The following NELL1 variants were observed in gnomAD, a reference collection of about 807,000 sequenced individuals.
The protein encoded by NELL1 is protein kinase C-binding protein NELL1.
Under a neutral mutation model 107.4 loss-of-function variants are expected in NELL1, and 76 were observed. That is an observed-to-expected ratio of 0.71 (90% CI 0.59 to 0.86). NELL1 has a LOEUF of 0.86. NELL1 is among the 40% of genes least tolerant of loss of function. NELL1 has a pLI of 0.00. For synonymous variants in NELL1, 353 were observed against 341.2 expected, an observed-to-expected ratio of 1.03 and a Z score of -0.38; for missense variants, 1,024 against 1,005.5, an observed-to-expected ratio of 1.02 and a Z score of -0.25.
At chr11:21,323,591 C>T (rs1416390446) in intron 14 of NELL1, among the ~76,000 whole-genome samples, 8 of 152,198 alleles carry the variant, frequency 5.3e-5, no homozygotes, top group Admixed American at 2.0e-4. Context: ...CATTTTACCT[C>T]TGACATGTCT....
At chr11:21,133,472 C>T (rs1210899762) in intron 13 of NELL1, among the ~76,000 whole-genome samples, 3 of 152,130 alleles carry the variant, frequency 2.0e-5, no homozygotes, top group Non-Finnish European at 2.9e-5. Flanking sequence ...CCCTGGCACC[C>T]AGGCTGTTCC....
intron 2 of NELL1, among the ~76,000 whole-genome samples, chr11:20,782,257 T>A (rs1299306844): frequency 6.6e-6 from 1 of 152,170 alleles, no homozygotes; most frequent in East Asian, 1.9e-4. Context: ...CACTTAAGAA[T>A]TAAGTAGCGA....
At chr11:21,169,779 T>A in intron 13 of NELL1, 1 of 1,291,600 alleles carries the variant, frequency 7.7e-7, no homozygotes, top group Non-Finnish European at 1.1e-6. Flanking sequence ...GTGGAGTCCC[T>A]CCTGCCGGGC....
intron 15 of NELL1, among the ~76,000 whole-genome samples, chr11:21,429,938 A>G (rs1337642843): frequency 1.3e-5 from 2 of 152,318 alleles, no homozygotes; most frequent in East Asian, 3.9e-4. Flanking sequence ...AAATGGTATA[A>G]GAATAGCCTC....
At chr11:21,479,773 G>A (rs1169280822) in intron 15 of NELL1, among the ~76,000 whole-genome samples, 1 of 152,142 alleles carries the variant, frequency 6.6e-6, no homozygotes, top group Non-Finnish European at 1.5e-5. Flanking sequence ...CACATCGTAT[G>A]TCTGTGTCAA....
At position 20,669,601 on chromosome 11, in the gene NELL1, G is replaced by A; in HGVS notation, c.-123G>A. 1 of 766,990 alleles carries A rather than the reference G, an allele frequency of 1.3e-6. No homozygotes were observed. Among genetic ancestry groups the A allele is most frequent in the Non-Finnish European group, 2.2e-6 (1 of 462,300 alleles). 47.5% of individuals were successfully genotyped at this position (766,990 alleles called of 1,614,324 possible). On this transcript the variant is annotated 5_prime_UTR_variant, in exon 1 of 20. Coordinates refer to ENST00000357134, the MANE Select transcript of NELL1 (RefSeq NM_006157.5). This position sits in a 1 kb window ranked among gnomAD's most constrained non-coding sequence, Gnocchi z 4.4. ...CGAGCGCAGCACCCGGCGCTGCCGA[G>A]CCACCTCCCCCGCCGCCCGCTAGCA...
At chr11:21,183,941 T>G (rs1212495558) in intron 13 of NELL1, among the ~76,000 whole-genome samples, 1 of 151,776 alleles carries the variant, frequency 6.6e-6, no homozygotes, top group African/African-American at 2.4e-5. Flanking sequence ...TGATCATTTT[T>G]GGGGGCTCAT....
intron 12 of NELL1, among the ~76,000 whole-genome samples, chr11:20,999,753 C>G (rs965249254): frequency 2.0e-5 from 3 of 148,910 alleles, no homozygotes; most frequent in African/African-American, 7.4e-5. Flanking sequence ...TCGCTTGAGT[C>G]TTCCAACTTT....
intron 2 of NELL1, among the ~76,000 whole-genome samples, chr11:20,715,546 TC>T (rs1475153635): frequency 1.2e-4 from 18 of 152,182 alleles, no homozygotes; most frequent in Non-Finnish European, 1.5e-5. Flanking sequence ...TATGCATGTT[TC>T]CCCTACTTCA....
At chr11:21,536,432 A>G (rs753815297) in intron 16 of NELL1, among the ~76,000 whole-genome samples, 2 of 152,164 alleles carry the variant, frequency 1.3e-5, no homozygotes, top group African/African-American at 2.4e-5. Flanking sequence ...TGATTCACAT[A>G]TGAATTTCAT....
At chr11:21,021,623 A>G (rs1156230872) in intron 12 of NELL1, among the ~76,000 whole-genome samples, 1 of 152,084 alleles carries the variant, frequency 6.6e-6, no homozygotes, top group Non-Finnish European at 1.5e-5. Context: ...TGCAAATTGC[A>G]TTATGTACAT....
chr11:21,571,975 T>C (rs954760676), intron 18 of NELL1, among the ~76,000 whole-genome samples: 1 of 151,886 alleles, frequency 6.6e-6, no homozygotes, highest in Non-Finnish European at 1.5e-5. Flanking sequence ...CATCAGATTT[T>C]TTTAAATCTT....
intron 14 of NELL1, among the ~76,000 whole-genome samples, chr11:21,292,730 A>G (rs1198559867): frequency 6.6e-6 from 1 of 152,198 alleles, no homozygotes; most frequent in Admixed American, 6.6e-5. Context: ...ACCAAAACAG[A>G]TATATAGACC....
At chr11:20,709,529 T>C (rs1431367164) in intron 2 of NELL1, among the ~76,000 whole-genome samples, 1 of 152,202 alleles carries the variant, frequency 6.6e-6, no homozygotes, top group Admixed American at 6.5e-5. Flanking sequence ...ATGGAGTATT[T>C]CTTGGTTCCA....
chr11:21,129,380 A>T (rs957767917), intron 13 of NELL1, among the ~76,000 whole-genome samples: 7 of 152,196 alleles, frequency 4.6e-5, no homozygotes, highest in African/African-American at 1.4e-4. Context: ...AGAAAATAGA[A>T]TTAAATGATC....
intron 5 of NELL1, among the ~76,000 whole-genome samples, chr11:20,887,380 G>T (rs1320387053): frequency 1.3e-5 from 2 of 152,156 alleles, no homozygotes; most frequent in Non-Finnish European, 2.9e-5. Flanking sequence ...TTACTGGGTT[G>T]TATATTAAGT....
chr11:20,728,236 T>G (rs561902342), intron 2 of NELL1, among the ~76,000 whole-genome samples: 2 of 152,194 alleles, frequency 1.3e-5, no homozygotes, highest in African/African-American at 2.4e-5. Flanking sequence ...GTTGTGAATA[T>G]TGTCTCCTGT....
intron 15 of NELL1, among the ~76,000 whole-genome samples, chr11:21,465,502 T>C (rs1221839977): frequency 2.6e-5 from 4 of 152,132 alleles, no homozygotes; most frequent in African/African-American, 9.7e-5. Context: ...TTCCAGAATT[T>C]ACTATAGCAT....
chr11:21,276,240 A>T (rs1445712571), intron 14 of NELL1, among the ~76,000 whole-genome samples: 1 of 152,200 alleles, frequency 6.6e-6, no homozygotes. Context: ...AATCACAAGC[A>T]TTCTTATACA....
Sources: allele counts gnomAD v4.1 joint callset (sites outside exome capture counted in the v4.1 genomes callset), GRCh38; gene constraint gnomAD v4.1.1; non-coding constraint Gnocchi (gnomAD v3.1); transcripts MANE v1.5; gene names NCBI Gene and HGNC (gene_info 2026-07-23, HGNC 2026-07-21).